The following LRRC9 variants were observed in gnomAD, a reference collection of about 807,000 sequenced individuals.
LRRC9 encodes the protein leucine rich repeat containing 9, also known as leucine-rich repeat-containing protein 9.
Under a neutral mutation model 63.2 loss-of-function variants are expected in LRRC9, and 122 were observed. That is an observed-to-expected ratio of 1.93 (90% CI 1.67 to 2.24). The LOEUF (loss-of-function observed/expected upper bound fraction) is 2.24, where lower values mean the gene tolerates loss of function less well. Ranked by LOEUF, LRRC9 falls within the 30% of genes most tolerant of loss-of-function variation. The pLI is 0.00. For missense variants in LRRC9, 1,071 were observed against 627.7 expected, an observed-to-expected ratio of 1.71 and a Z score of -7.55; for synonymous variants, 366 against 213.1, an observed-to-expected ratio of 1.72 and a Z score of -6.25.
At chr14:59,935,455 AT>A (rs1322716950) in intron 6 of LRRC9, among the ~76,000 whole-genome samples, 1 of 152,194 alleles carries the variant, frequency 6.6e-6, no homozygotes, top group Non-Finnish European at 1.5e-5. Flanking sequence ...TCTAGAAAGC[AT>A]TTAGATAATG....
At chr14:60,063,948 T>G (rs1894807076), downstream of LRRC9, among the ~76,000 whole-genome samples, 1 of 152,132 alleles carries the variant, frequency 6.6e-6, no homozygotes, top group South Asian at 2.1e-4. Context: ...CTCAAAATTG[T>G]TTAGAGATGC....
In LRRC9 at chr14:59,922,863, T is replaced by C. The variant is rs919106629; in HGVS notation, c.-34+2980T>C. 7.2e-5 allele frequency among the ~76,000 whole-genome samples: 11 copies of C among 152,256 alleles called. No individual in the cohort carries two copies. The highest frequency in any genetic ancestry group is 5.2e-4 in the Admixed American group (8 of 15,292). On this transcript the variant is annotated intron_variant, in intron 1 of 31. Transcript: ENST00000445360. This position sits in a 1 kb window ranked among gnomAD's most constrained non-coding sequence, Gnocchi z 5.3. ...TATAAAACATTTGTTGCTGAAGATC[T>C]AACTGAAGTTAGAGGCAATGCATTT...
At chr14:60,030,684 G>GA (rs557853575) in intron 28 of LRRC9, among the ~76,000 whole-genome samples, 4 of 151,784 alleles carry the variant, frequency 2.6e-5, no homozygotes, top group African/African-American at 7.3e-5. Context: ...TCTCCAAGAG[G>GA]AAAAAAATCC....
chr14:59,967,246 C>A (rs748780284), intron 12 of LRRC9, 33 bp downstream of exon 12: 1 of 553,868 alleles, frequency 1.8e-6, no homozygotes, highest in Non-Finnish European at 3.4e-6. Flanking sequence ...ATAATGCTTT[C>A]TTCCTAGCAA....
chr14:59,949,361 T>A (rs1486233738), intron 8 of LRRC9, among the ~76,000 whole-genome samples: 1 of 151,662 alleles, frequency 6.6e-6, no homozygotes, highest in Middle Eastern at 3.2e-3. Flanking sequence ...GATATCCCCT[T>A]TATCATTTTT....
Position 59,927,190 on chromosome 14 carries a change from T to C in LRRC9, c.-33-721T>C, listed in dbSNP as rs984287303. Among the ~76,000 whole-genome samples the C allele has an allele frequency of 1.3e-5, 2 of 152,042 alleles. No homozygotes were observed. The highest frequency in any genetic ancestry group is 4.8e-5 in the African/African-American group (2 of 41,434). ...ACACATGCCTATGGGGGAGTTGTTA[T>C]TGTAAAGAAAGGGATTATACTGTAT... On this transcript the variant is annotated intron_variant, in intron 1 of 31. Coordinates refer to ENST00000445360, the Ensembl canonical transcript of LRRC9. This position sits in a 1 kb window ranked among gnomAD's most constrained non-coding sequence, Gnocchi z 4.4.
exon 29 of LRRC9, chr14:60,032,028 T>C: frequency 1.4e-6 from 1 of 701,078 alleles, no homozygotes. Flanking sequence ...TGACGTTATC[T>C]CTACTCTCAG....
At chr14:60,062,911 GAC>G (rs1894745974) in intron 31 of LRRC9, among the ~76,000 whole-genome samples, 1 of 143,206 alleles carries the variant, frequency 7.0e-6, no homozygotes, top group Admixed American at 7.1e-5. Context: ...TTTTTTTTGA[GAC>G]AGAGTTTCAC....
rs989139037 is a variant in LRRC9 at position 59,922,019 on chromosome 14, G to A, written c.-34+2136G>A. 2.6e-5 allele frequency among the ~76,000 whole-genome samples: 4 copies of A among 152,090 alleles called. No individual in the cohort carries two copies. Among genetic ancestry groups the A allele is most frequent in the Non-Finnish European group, 4.4e-5 (3 of 67,986 alleles). On this transcript the variant is annotated intron_variant, in intron 1 of 31. Transcript: ENST00000445360. The surrounding 1 kb of genome is among the most constrained non-coding windows in gnomAD (Gnocchi z 5.3). ...GAATTACTTGAACCTGGGAGGCAGA[G>A]GTTGGAGTGAGCCCAGATTGTGCCA... is the stretch of plus-strand genomic sequence containing the variant.
intron 8 of LRRC9, among the ~76,000 whole-genome samples, chr14:59,957,967 A>G (rs1343757997): frequency 6.6e-6 from 1 of 152,202 alleles, no homozygotes; most frequent in African/African-American, 2.4e-5. Context: ...GCTGCAGAAT[A>G]GCAAAGATTG....
exon 6 of LRRC9, chr14:59,931,979 T>C (rs201631951): frequency 2.5e-4 from 176 of 700,342 alleles, no homozygotes; most frequent in Non-Finnish European, 4.0e-4. Context: ...GTCGATGTCT[T>C]GACTCCAATG....
chr14:60,038,257 T>C (rs1892624130), intron 29 of LRRC9, among the ~76,000 whole-genome samples: 1 of 152,354 alleles, frequency 6.6e-6, no homozygotes, highest in Non-Finnish European at 1.5e-5. Context: ...GGGCTCTTTT[T>C]TGGTTCCATA....
At chr14:59,949,459 G>T (rs1442524892) in intron 8 of LRRC9, among the ~76,000 whole-genome samples, 1 of 149,802 alleles carries the variant, frequency 6.7e-6, no homozygotes, top group Non-Finnish European at 1.5e-5. Context: ...CAAAAAACCA[G>T]CTCCTGGATT....
chr14:60,030,928 C>T (rs79250186), intron 28 of LRRC9, among the ~76,000 whole-genome samples: 2,671 of 152,126 alleles, frequency 0.018, 100 homozygotes, highest in African/African-American at 0.062. Flanking sequence ...AAAGTTTATG[C>T]CATCATTATC....
intron 12 of LRRC9, among the ~76,000 whole-genome samples, chr14:59,968,905 TG>T (rs1272251774): frequency 6.6e-6 from 1 of 152,176 alleles, no homozygotes; most frequent in African/African-American, 2.4e-5. Context: ...GCATTTGAAA[TG>T]TGGCTAGTCC....
rs1881409312 is a variant in LRRC9 at position 59,938,986 on chromosome 14, C to CATATAT, written c.726+415_726+416insTATATA. 1.4e-5 allele frequency among the ~76,000 whole-genome samples: 2 copies of CATATAT among 140,790 alleles called. No individual in the cohort carries two copies. Among genetic ancestry groups the CATATAT allele is most frequent in the South Asian group, 2.2e-4 (1 of 4,516 alleles). The allele number at this position is 140,790 out of a possible 152,430, so 92.4% of individuals were successfully genotyped here. A position where few individuals can be genotyped will look rare whatever the true frequency, so the allele number is the denominator to read the frequency against. ...ACATATATACATATATACATATATACACACATATATACATATACATATATA... is the reference window on the plus strand; with the variant it reads ...ACATATATACATATATACATATATACATATATACACATATATACATATACATATATA... On this transcript the variant is annotated intron_variant, in intron 7 of 31. Transcript: ENST00000445360. This position sits in a 1 kb window ranked among gnomAD's most constrained non-coding sequence, Gnocchi z 4.2.
intron 8 of LRRC9, among the ~76,000 whole-genome samples, chr14:59,953,325 T>G (rs1449371581): frequency 2.0e-5 from 3 of 152,328 alleles, no homozygotes; most frequent in African/African-American, 7.2e-5. Context: ...CATCTGTTGT[T>G]TCCTGACTTT....
intron 23 of LRRC9, among the ~76,000 whole-genome samples, chr14:60,013,218 G>A (rs1277312682): frequency 1.3e-5 from 2 of 150,560 alleles, no homozygotes; most frequent in Non-Finnish European, 2.9e-5. Flanking sequence ...AGATATCTAT[G>A]TCTATATATA....
rs146936436 is a variant in LRRC9, at chr14:60,036,512, G to A, written c.3990+4449G>A. 5.9e-5 allele frequency among the ~76,000 whole-genome samples: 9 copies of A among 152,204 alleles called. No homozygotes were observed. In the South Asian group the frequency reaches 1.0e-3, roughly 18 times the overall value. On this transcript the variant is annotated intron_variant, in intron 29 of 31. Transcript: ENST00000445360. Reference sequence around the variant, plus strand: ...TGACTTTGACTCTTCTGAAGATTACGGACCAGTTAATTTGTAGAATGTCCT... The same window carrying A: ...TGACTTTGACTCTTCTGAAGATTACAGACCAGTTAATTTGTAGAATGTCCT...
Sources: allele counts gnomAD v4.1 joint callset (sites outside exome capture counted in the v4.1 genomes callset), GRCh38; gene constraint gnomAD v4.1.1; non-coding constraint Gnocchi (gnomAD v3.1); transcripts MANE v1.5; gene names NCBI Gene and HGNC (gene_info 2026-07-23, HGNC 2026-07-21).